The following FAAP100 variants were observed in gnomAD, a reference collection of about 807,000 sequenced individuals.
FAAP100 encodes the protein FA core complex associated protein 100, also known as Fanconi anemia core complex-associated protein 100.
In FAAP100, 46 loss-of-function variants were observed where a neutral mutation model predicts 65.8. That is an observed-to-expected ratio of 0.70 (90% CI 0.55 to 0.89). The LOEUF (loss-of-function observed/expected upper bound fraction) is 0.89. Ranked by LOEUF, FAAP100 falls within the 40% of genes least tolerant of loss-of-function variation. The pLI, the probability that FAAP100 is intolerant of heterozygous loss-of-function variation, is 0.00. For synonymous variants in FAAP100, 663 were observed against 555.1 expected (o/e 1.19, Z -2.73); for missense variants, 1,165 against 1,196.7 (o/e 0.97, Z 0.39).
Position 81,552,044 on chromosome 17 carries a change from G to C in FAAP100, c.174C>G (p.Phe58Leu), listed in dbSNP as rs1306656145. ...DQEGGLLTAA[F>L]RFPDQVWHLE... Reference sequence around the variant, plus strand: ...GGTGCCACACCTGGTCGGGGAACCGGAACGCCGCCTGCGGACCGGGGCGCG... The same window carrying C: ...GGTGCCACACCTGGTCGGGGAACCGCAACGCCGCCTGCGGACCGGGGCGCG... The change falls in exon 2 of 9, where the codon TTC becomes TTG. Residue 58 changes from phenylalanine (F) to leucine (L), a missense_variant. Physicochemically the swap from Phe to Leu is conservative, Grantham distance 22. Transcript: ENST00000327787. 2 of 1,526,222 alleles carry C rather than the reference G, an allele frequency of 1.3e-6. No individual in the cohort carries two copies. The highest frequency in any genetic ancestry group is 2.7e-5 in the East Asian group (1 of 36,956). The allele number at this position is 1,526,222 out of a possible 1,614,324, so 94.5% of individuals were successfully genotyped here.
rs530149174 is a variant in FAAP100, at chr17:81,548,025, G to T, written c.1404-347C>A. On this transcript the variant is annotated intron_variant, in intron 4 of 8. Transcript: ENST00000327787. ...CTGGGCCACGCAGGGGCCGGGTGGTGCATTACCCCACCCTTGGCTCCCCAG... is the reference window on the plus strand; with the variant it reads ...CTGGGCCACGCAGGGGCCGGGTGGTTCATTACCCCACCCTTGGCTCCCCAG... 2.6e-5 allele frequency: 18 copies of T among 689,400 alleles called. No individual in the cohort carries two copies. In the Middle Eastern group the frequency reaches 8.7e-4, roughly 33 times the overall value. The allele number at this position is 689,400 out of a possible 1,614,324, so 42.7% of individuals were successfully genotyped here.
rs376139098 is a variant in FAAP100, at chr17:81,551,169, C to T, written c.325G>A (p.Gly109Ser). The T allele has an allele frequency of 2.1e-5, 33 of 1,537,758 alleles. No individual in the cohort carries two copies. The highest frequency in any genetic ancestry group is 9.7e-5 in the South Asian group (8 of 82,846). The change falls in exon 3 of 9, where the codon GGT (glycine) becomes AGT (serine). Residue 109 changes from glycine to serine, a missense_variant. Coordinates refer to ENST00000327787, the MANE Select transcript of FAAP100 (RefSeq NM_025161.6). The stretch of plus-strand genomic sequence containing the variant: ...GGGATCACGGGGGAAGGCTGGTCAC[C>T]GTCCTCGCTGTCCCTGTCATCCTGG... ...TSQDDRDSED[G>S]DQPSPVIPVD...
In FAAP100 at chr17:81,550,402, A is replaced by G. The variant is rs371626488; in HGVS notation, c.1092T>C (p.Ser364=). 2.2e-5 allele frequency: 36 copies of G among 1,612,564 alleles called. No individual in the cohort carries two copies. In the Middle Eastern group the frequency reaches 2.0e-3, roughly 88 times the overall value. The change falls in exon 3 of 9, where the codon TCT becomes TCC. Residue 364 remains serine (S), a synonymous_variant. Transcript: ENST00000327787. The part of the protein sequence containing the change: ...GGGRVYHSTP[S]DLCVVDLSRG... ...GAGACAGATCCACCACACAGAGGTC[A>G]GAAGGGGTGCTGTGGTACACGCGGC...
chr17:81,542,863 T>G (rs1568091459), intron 7 of FAAP100, among the ~76,000 whole-genome samples: 1 of 152,204 alleles, frequency 6.6e-6, no homozygotes. Context: ...GGGATGGGAC[T>G]TTCTTGGGGA....
At position 81,542,450 on chromosome 17, in the gene FAAP100, G is replaced by A. The variant is rs115632727; in HGVS notation, c.2428-1055C>T. On this transcript the variant is annotated intron_variant, in intron 7 of 8. Transcript: ENST00000327787. Reference sequence around the variant, plus strand: ...AGTGAGGCTCCTGCAGGCTCTTGGAGCAAAGCAACTGTGAAGAGACGACAC... The same window carrying A: ...AGTGAGGCTCCTGCAGGCTCTTGGAACAAAGCAACTGTGAAGAGACGACAC... Among the ~76,000 whole-genome samples the A allele has an allele frequency of 5.5e-3, 839 of 152,218 alleles. 7 individuals carry two copies. Among genetic ancestry groups the A allele is most frequent in the Middle Eastern group, 0.02 (6 of 294 alleles).
At chr17:81,544,213 C>T (rs1002370413) in intron 6 of FAAP100, 93 bp from the exon 7 acceptor site, 57 of 1,031,722 alleles carry the variant, frequency 5.5e-5, no homozygotes, top group Non-Finnish European at 7.3e-5. Context: ...GCTGGCAGCA[C>T]GTGAGGCCCT....
At chr17:81,545,599 A>T (rs114396610) in intron 6 of FAAP100, 147 bp downstream of exon 6, 36 of 1,160,706 alleles carry the variant, frequency 3.1e-5, no homozygotes, top group Non-Finnish European at 3.9e-5. Flanking sequence ...GTGCGAGGGG[A>T]AACTGTCATA....
At position 81,540,736 on chromosome 17, in the gene FAAP100, G is replaced by T; in HGVS notation, c.*83C>A. The T allele has an allele frequency of 7.1e-7, 1 of 1,406,632 alleles. No homozygotes were observed. Among genetic ancestry groups the T allele is most frequent in the Non-Finnish European group, 9.3e-7 (1 of 1,079,302 alleles). 87.1% of individuals were successfully genotyped at this position (1,406,632 alleles called of 1,614,324 possible). The stretch of plus-strand genomic sequence containing the variant: ...CTGACGGCTCTGGCCAGGCCAGCTC[G>T]GTTTCCCTCTAACCCATGAGGCCTG... On this transcript the variant is annotated 3_prime_UTR_variant, in exon 9 of 9. Transcript: ENST00000327787.
chr17:81,551,391 G>A (rs1201075050), intron 2 of FAAP100, among the ~76,000 whole-genome samples, 188 bp from the exon 3 acceptor site: 15 of 152,258 alleles, frequency 9.9e-5, no homozygotes, highest in Non-Finnish European at 1.6e-4. Flanking sequence ...AGAAGTACCA[G>A]GCATCCAAAA....
In FAAP100 at chr17:81,540,774, CAG is replaced by C. The variant is rs1450629518; in HGVS notation, c.*43_*44del. ...CCCATGAGGCCTGGGGGGGCTGTGA[CAG>C]AGGCTGGAAGCGTGGCCAGAGCCCA... is the stretch of plus-strand genomic sequence containing the variant. On this transcript the variant is annotated 3_prime_UTR_variant, in exon 9 of 9. Coordinates refer to ENST00000327787, the MANE Select transcript of FAAP100 (RefSeq NM_025161.6). The C allele has an allele frequency of 1.4e-6, 2 of 1,465,070 alleles. No individual in the cohort carries two copies. Among genetic ancestry groups the C allele is most frequent in the East Asian group, 5.0e-5 (2 of 39,810 alleles). The allele number at this position is 1,465,070 out of a possible 1,614,324, so 90.8% of individuals were successfully genotyped here. A position where few individuals can be genotyped will look rare whatever the true frequency, so the allele number is the denominator to read the frequency against.
chr17:81,546,511 C>T (rs964100415), intron 5 of FAAP100: 19 of 176,384 alleles, frequency 1.1e-4, no homozygotes, highest in African/African-American at 2.8e-4. Flanking sequence ...ATTTAGGTTA[C>T]GCTTCCATAT....
In FAAP100 at chr17:81,550,648, G is replaced by C; in HGVS notation, c.846C>G (p.Val282=). The C allele has an allele frequency of 1.2e-6, 2 of 1,613,072 alleles. No homozygotes were observed. The highest frequency in any genetic ancestry group is 1.7e-6 in the Non-Finnish European group (2 of 1,180,004). The change falls in exon 3 of 9, where the codon GTC becomes GTG. Residue 282 remains valine (V), a synonymous_variant. Transcript: ENST00000327787. ...VKILHHLEEP[V]IFIGALKTEP... is the part of the protein sequence containing the mutation. ...CTGTCTTCAAGGCCCCTATGAAGAT[G>C]ACGGGCTCCTCCAGGTGATGGAGGA...
In FAAP100 at chr17:81,550,668, G is replaced by A; in HGVS notation, c.826C>T (p.His276Tyr). The A allele has an allele frequency of 6.2e-7, 1 of 1,613,074 alleles. No individual in the cohort carries two copies. Among genetic ancestry groups the A allele is most frequent in the Non-Finnish European group, 8.5e-7 (1 of 1,180,016 alleles). Residue 276 changes from histidine (H) to tyrosine (Y), a missense_variant, in exon 3 of 9, where the codon CAT (histidine) becomes TAT (tyrosine). Coordinates refer to ENST00000327787, the MANE Select transcript of FAAP100 (RefSeq NM_025161.6). ...AAGATGACGGGCTCCTCCAGGTGAT[G>A]GAGGATCTTGACAAGGGCATTTGGG... ...GDPNALVKILHHLEEPVIFIG... is the reference protein window; with the variant it reads ...GDPNALVKILYHLEEPVIFIG...
chr17:81,549,058 AAAAAAAAAAAAAAAAG>A, intron 4 of FAAP100, 132 bp downstream of exon 4: 1 of 726,470 alleles, frequency 1.4e-6, no homozygotes, highest in Non-Finnish European at 2.0e-6. Context: ...AAAAAAAAAA[AAAAAAAAAAAAAAAAG>A]AGGCCAAGTA....
chr17:81,551,943 TG>T lies in FAAP100; in HGVS notation c.274del (p.His92ThrfsTer24). 1 of 1,558,746 alleles carries T rather than the reference TG, an allele frequency of 6.4e-7. No homozygotes were observed. The highest frequency in any genetic ancestry group is 8.6e-7 in the Non-Finnish European group (1 of 1,161,842). On this transcript the variant is annotated frameshift_variant, in exon 2 of 9. Transcript: ENST00000327787. LOFTEE classifies it high-confidence loss of function. ...CCGCCCTCACCTGCTCCTGCCCGGG[TG>T]GTCCAGCGACAGGCAGTAGAGGCCC... The part of the protein sequence containing the change: ...RRGLYCLSLD[H>X]PGRSRSTSQD...
At position 81,547,560 on chromosome 17, in the gene FAAP100, A is replaced by C; in HGVS notation, c.1522T>G (p.Cys508Gly). 1 of 1,613,402 alleles carries C rather than the reference A, an allele frequency of 6.2e-7. No individual in the cohort carries two copies. The highest frequency in any genetic ancestry group is 8.5e-7 in the Non-Finnish European group (1 of 1,180,008). ...SSGTGPRPIS[C>G]TTSTTWSRLQ... ...CGGCTCCAGGTGGTGCTGGTGGTGC[A>C]GGAGATGGGTCTGGGGCCCGTGCCG... is the stretch of plus-strand genomic sequence containing the variant. Residue 508 changes from cysteine (C) to glycine (G), a missense_variant, in exon 5 of 9, where the codon TGC (cysteine) becomes GGC (glycine). Coordinates refer to ENST00000327787, the MANE Select transcript of FAAP100 (RefSeq NM_025161.6).
chr17:81,547,366 G>A lies in FAAP100; in HGVS notation c.1716C>T (p.Leu572=), dbSNP rs562962178. The A allele has an allele frequency of 3.0e-5, 49 of 1,612,840 alleles. No individual in the cohort carries two copies. Among genetic ancestry groups the A allele is most frequent in the East Asian group, 4.5e-5 (2 of 44,890 alleles). ...AITYTIPVDQ[L]GPGARREVTL... Reference sequence around the variant, plus strand: ...TCACCTCCCGCCGAGCACCGGGGCCGAGCTGGTCCACGGGGATGGTGTAGG... The same window carrying A: ...TCACCTCCCGCCGAGCACCGGGGCCAAGCTGGTCCACGGGGATGGTGTAGG... The change falls in exon 5 of 9, where the codon CTC becomes CTT. Residue 572 remains leucine, a synonymous_variant. Transcript: ENST00000327787.
chr17:81,539,956 C>T lies in FAAP100; in HGVS notation c.*863G>A, dbSNP rs77650837. 2 of 398,694 alleles carry T rather than the reference C, an allele frequency of 5.0e-6. No homozygotes were observed. The highest frequency in any genetic ancestry group is 3.6e-5 in the East Asian group (1 of 28,080). The allele number at this position is 398,694 out of a possible 1,614,324, so 24.7% of individuals were successfully genotyped here. On this transcript the variant is annotated 3_prime_UTR_variant, in exon 9 of 9. Transcript: ENST00000327787. ...CCTCACGGCTCCTACCCGCACTCAT[C>T]GCGGACAGTGCCTGCAGCGGGAGCG...
At position 81,550,815 on chromosome 17, in the gene FAAP100, G is replaced by C; in HGVS notation, c.679C>G (p.Leu227Val). Residue 227 changes from leucine to valine, a missense_variant, in exon 3 of 9, where the codon CTC becomes GTC. Transcript: ENST00000327787. ...AGGGTGGCATCAGCTCCAAAGAGGA[G>C]CCCGAAGAGGGCGTCCTCCAGCGTG... ...GFTLEDALFGLLFGADATLLQ... is the reference protein window; with the variant it reads ...GFTLEDALFGVLFGADATLLQ... 1 of 1,612,536 alleles carries C rather than the reference G, an allele frequency of 6.2e-7. No homozygotes were observed. The highest frequency in any genetic ancestry group is 8.5e-7 in the Non-Finnish European group (1 of 1,179,774).
Sources: allele counts gnomAD v4.1 joint callset (sites outside exome capture counted in the v4.1 genomes callset), GRCh38; gene constraint gnomAD v4.1.1; transcripts MANE v1.5; gene names NCBI Gene and HGNC (gene_info 2026-07-23, HGNC 2026-07-21).